Variants in WNK1 observed in about 807,000 individuals in gnomAD.
WNK1 encodes the protein WNK lysine deficient protein kinase 1.
WNK1 carries 38 observed loss-of-function variants against 222.8 expected under a neutral mutation model. The observed-to-expected ratio is 0.17, with a 90% CI of 0.13 to 0.22. The LOEUF (loss-of-function observed/expected upper bound fraction) is 0.22. WNK1 is among the 10% of genes least tolerant of loss of function. The pLI, the probability that WNK1 is intolerant of heterozygous loss-of-function variation, is 1.00. For synonymous variants in WNK1, 1,090 were observed against 1,092.9 expected, an observed-to-expected ratio of 1.00 and a Z score of 0.05; for missense variants, 2,348 against 2,918.4, an observed-to-expected ratio of 0.80 and a Z score of 4.50.
In WNK1 at chr12:885,620, C is replaced by G. The variant is rs375381891; in HGVS notation, c.4816C>G (p.Pro1606Ala). The G allele has an allele frequency of 2.4e-5, 38 of 1,614,072 alleles. 1 individual carries two copies. The highest frequency in any genetic ancestry group is 3.1e-5 in the Non-Finnish European group (36 of 1,180,042). The change falls in exon 19 of 28, where the codon CCT (proline) becomes GCT (alanine). Residue 1606 changes from proline (P) to alanine (A), a missense_variant. Pro to Ala is a conservative substitution (Grantham distance 27). Around this residue, in one of 13 missense-constraint regions of WNK1, gnomAD observed 1,144 missense variants for 1,273.6 expected, o/e 0.90. Coordinates refer to ENST00000315939, the MANE Select transcript of WNK1 (RefSeq NM_018979.4). ...QVPSIPPLVQ[P>A]VANVPAVQQT... ...ACCTAGTATCCCACCCTTGGTACAG[C>G]CTGTTGCCAATGTGCCTGCTGTACA... is the stretch of plus-strand genomic sequence containing the variant.
At chr12:787,970 T>C (rs572330693) in intron 1 of WNK1, among the ~76,000 whole-genome samples, 2 of 152,258 alleles carry the variant, frequency 1.3e-5, no homozygotes, top group South Asian at 4.2e-4. Flanking sequence ...TACTTGGTTG[T>C]TGGGGCTGGC....
At chr12:823,921 T>G (rs910883268) in intron 2 of WNK1, among the ~76,000 whole-genome samples, 1 of 78,548 alleles carries the variant, frequency 1.3e-5, no homozygotes, top group Non-Finnish European at 2.6e-5. Context: ...TTTTTTTTTT[T>G]GGAGATGGAG....
At chr12:804,138 C>T (rs923853604) in intron 1 of WNK1, among the ~76,000 whole-genome samples, 1 of 152,168 alleles carries the variant, frequency 6.6e-6, no homozygotes, top group African/African-American at 2.4e-5. Context: ...TCTGTATCTT[C>T]GAAGCTCTCA....
chr12:870,341 T>TA (rs1361290355), intron 8 of WNK1, among the ~76,000 whole-genome samples: 12 of 152,248 alleles, frequency 7.9e-5, no homozygotes, highest in African/African-American at 2.6e-4. Flanking sequence ...CTTTCCAAAG[T>TA]AAAAAATACC....
At chr12:828,777 TC>T (rs928759439) in intron 3 of WNK1, among the ~76,000 whole-genome samples, 1 of 152,192 alleles carries the variant, frequency 6.6e-6, no homozygotes, top group African/African-American at 2.4e-5. Flanking sequence ...GAAGAGGATA[TC>T]ACAATTTAAA....
At chr12:826,857 A>G (rs1948398975) in intron 2 of WNK1, among the ~76,000 whole-genome samples, 185 bp from the exon 3 acceptor site, 1 of 152,224 alleles carries the variant, frequency 6.6e-6, no homozygotes, top group South Asian at 2.1e-4. Context: ...GTCTCTTAAT[A>G]GAATTTTTAT....
chr12:846,315 A>T (rs1336403339), intron 4 of WNK1, among the ~76,000 whole-genome samples: 1 of 152,216 alleles, frequency 6.6e-6, no homozygotes, highest in African/African-American at 2.4e-5. Context: ...GAGAAGATCC[A>T]AGTAAAAGTA....
chr12:903,853 G>A (rs924772744), intron 26 of WNK1, among the ~76,000 whole-genome samples: 1 of 152,186 alleles, frequency 6.6e-6, no homozygotes, highest in African/African-American at 2.4e-5. Context: ...TGGTTTGGAA[G>A]CACGGCTTGG....
chr12:772,539 C>T (rs1225881649), intron 1 of WNK1, among the ~76,000 whole-genome samples: 1 of 151,982 alleles, frequency 6.6e-6, no homozygotes, highest in African/African-American at 2.4e-5. Context: ...GGTTATGTTG[C>T]TGTATGGTGG....
rs2158502 is a variant in WNK1 at position 827,302 on chromosome 12, C to G, written c.1153+40C>G. The G allele has an allele frequency of 0.75, 1,162,490 of 1,551,824 alleles. 437,724 individuals carry two copies. Among genetic ancestry groups the G allele is most frequent in the East Asian group, 0.88 (39,055 of 44,602 alleles). The stretch of plus-strand genomic sequence containing the variant: ...TACCTTGGAGCCTGACTGGCTTTCT[C>G]ACATTCCTTTTATTTAGAATCCTGG... On this transcript the variant is annotated intron_variant, in intron 3 of 27. Transcript: ENST00000315939. This position sits in a 1 kb window ranked among gnomAD's most constrained non-coding sequence, Gnocchi z 4.6.
At chr12:897,219 G>C (rs945907638) in intron 24 of WNK1, among the ~76,000 whole-genome samples, 1 of 152,074 alleles carries the variant, frequency 6.6e-6, no homozygotes, top group Non-Finnish European at 1.5e-5. Context: ...TGTGTGCGTG[G>C]CCTCAAAAGT....
At chr12:904,502 T>C (rs1359087181) in intron 26 of WNK1, 5 of 1,289,010 alleles carry the variant, frequency 3.9e-6, no homozygotes, top group East Asian at 1.1e-4. Context: ...GTAGTAATTA[T>C]CTTTTCTGTT....
rs769543809 is a variant in WNK1 at position 753,610 on chromosome 12, C to T, written c.45C>T (p.Ser15=). Residue 15 remains serine (S), a synonymous_variant, in exon 1 of 28, where the codon TCC becomes TCT. Transcript: ENST00000315939. This position sits in a 1 kb window ranked among gnomAD's most constrained non-coding sequence, Gnocchi z 5.2. ...AGAAGCAGAGCAGCACTCCCGGTTC[C>T]CTGTTCCTCTCGCCGCCGGCTCCTG... ...AAEKQSSTPG[S]LFLSPPAPAP... The T allele has an allele frequency of 6.8e-6, 11 of 1,612,826 alleles. No individual in the cohort carries two copies. The highest frequency in any genetic ancestry group is 1.7e-5 in the Admixed American group (1 of 60,028).
At chr12:766,916 A>G (rs145499522) in intron 1 of WNK1, among the ~76,000 whole-genome samples, 2 of 152,200 alleles carry the variant, frequency 1.3e-5, no homozygotes, top group South Asian at 2.1e-4. Flanking sequence ...AGCTGGGATT[A>G]CAGGTGTCTG....
At chr12:831,149 C>T (rs1373645704) in intron 4 of WNK1, among the ~76,000 whole-genome samples, 1 of 152,128 alleles carries the variant, frequency 6.6e-6, no homozygotes, top group Admixed American at 6.5e-5. Context: ...TTTTTACTCG[C>T]ATTCACCCAA....
intron 9 of WNK1, 30 bp from the exon 10 acceptor site, chr12:878,182 T>C: frequency 6.2e-7 from 1 of 1,614,002 alleles, no homozygotes; most frequent in South Asian, 1.1e-5. Context: ...TGATTTGAAA[T>C]AAAACTGAAT....
chr12:757,749 T>C (rs940035423), intron 1 of WNK1, among the ~76,000 whole-genome samples: 4 of 136,000 alleles, frequency 2.9e-5, no homozygotes, highest in Admixed American at 2.2e-4. Context: ...TAAGAAAACA[T>C]TGATGGAGCC....
chr12:801,928 C>T (rs1032748823), intron 1 of WNK1, among the ~76,000 whole-genome samples: 5 of 152,068 alleles, frequency 3.3e-5, no homozygotes, highest in African/African-American at 2.4e-5. Context: ...AGGAAAAATC[C>T]TTGTCTGTCC....
rs996225359 is a variant in WNK1 at position 848,337 on chromosome 12, A to G, written c.1312-8824A>G. Among the ~76,000 whole-genome samples, 10 of 152,232 alleles carry G rather than the reference A, an allele frequency of 6.6e-5. No homozygotes were observed. The East Asian group carries it at 1.2e-3, about 18-fold the overall frequency. Reference sequence around the variant, plus strand: ...AGTCAGATGGTAGGAGCTAGCCACAATGTAAAACACAAATTGGAGATGAAG... The same window carrying G: ...AGTCAGATGGTAGGAGCTAGCCACAGTGTAAAACACAAATTGGAGATGAAG... On this transcript the variant is annotated intron_variant, in intron 4 of 27. Transcript: ENST00000315939.
Sources: gnomAD v4.1 joint callset for allele counts (sites outside exome capture counted in the v4.1 genomes callset) on GRCh38, gnomAD v4.1.1 for gene constraint, gnomAD v4.1.1 regional missense constraint, Gnocchi (gnomAD v3.1) non-coding constraint, MANE v1.5 for transcripts, NCBI Gene and HGNC (gene_info 2026-07-23, HGNC 2026-07-21) for gene names.